KLF8: variants seen among roughly 807,000 people sequenced by gnomAD.
KLF8 encodes the protein KLF transcription factor 8.
In KLF8, 10 loss-of-function variants were observed where a neutral mutation model predicts 18.2. The observed-to-expected ratio is 0.55, with a 90% confidence interval of 0.34 to 0.93. KLF8 has a LOEUF of 0.93. Among genes scored for constraint, KLF8 ranks in the 40% least tolerant of loss-of-function variants. The pLI, the probability that KLF8 is intolerant of heterozygous loss-of-function variation, is 0.02. For synonymous variants in KLF8, 109 were observed against 97.3 expected (o/e 1.12, Z -0.71); for missense variants, 264 against 277.9 (o/e 0.95, Z 0.36).
At chrX:56,092,387 C>A in the KLF8 span, among the ~76,000 whole-genome samples, 2 of 111,169 alleles carry the variant, frequency 1.8e-5, no homozygotes, top group African/African-American at 6.5e-5. Context: ...AGACCAATGT[C>A]CAGGACAGTT....
At chrX:55,911,828 AG>A in the KLF8 span, among the ~76,000 whole-genome samples, 3 of 112,153 alleles carry the variant, frequency 2.7e-5, no homozygotes, top group Non-Finnish European at 5.6e-5. Context: ...GAGATAAGGT[AG>A]GTGTGCATGT....
chrX:55,988,295 G>A, the KLF8 span, among the ~76,000 whole-genome samples: 60 of 110,782 alleles, frequency 5.4e-4, no homozygotes, highest in South Asian at 3.8e-4. Context: ...GTCCTGAATG[G>A]TAATGCCTAG....
chrX:56,121,524 T>A, the KLF8 span, among the ~76,000 whole-genome samples: 1 of 112,422 alleles, frequency 8.9e-6, no homozygotes, highest in African/African-American at 3.2e-5. Flanking sequence ...GAAAGCTCAG[T>A]TCTTCTGACC....
At chrX:56,020,188 C>T in the KLF8 span, among the ~76,000 whole-genome samples, 12 of 111,514 alleles carry the variant, frequency 1.1e-4, no homozygotes, top group South Asian at 1.1e-3. Context: ...TAATGGAAAT[C>T]AGCATGTATT....
At chrX:55,945,208 A>C in the KLF8 span, among the ~76,000 whole-genome samples, 1 of 110,986 alleles carries the variant, frequency 9.0e-6, no homozygotes. Flanking sequence ...GTTTGTTAAA[A>C]TTTCTGTTCT....
chrX:56,270,347 A>ACACACAC (rs2067035777), intron 5 of KLF8, 26 bp downstream of exon 5: 14 of 652,180 alleles, frequency 2.1e-5, no homozygotes, highest in Non-Finnish European at 2.1e-5. Context: ...TCTCACCCCC[A>ACACACAC]ACACACACAC....
chrX:55,941,045 A>G, the KLF8 span, among the ~76,000 whole-genome samples: 9 of 111,867 alleles, frequency 8.0e-5, no homozygotes, highest in Non-Finnish European at 1.5e-4. Flanking sequence ...ATATGGAACC[A>G]AAAAAGAGCC....
rs902708641 is a variant in KLF8, at chrX:56,267,134, A to G, written c.646+1390A>G. On this transcript the variant is annotated intron_variant, in intron 3 of 5. Coordinates refer to ENST00000468660, the MANE Select transcript of KLF8 (RefSeq NM_007250.5). ...AGGAGCTTTGAATAGTCCCCATAAT[A>G]TCATCAGTCCATCAGAGCCACTCTA... 1.3e-5 allele frequency: 10 copies of G among 752,022 alleles called. No homozygotes were observed. The African/African-American group carries it at 2.3e-4, about 17-fold the overall frequency. The allele number at this position is 752,022 out of a possible 1,213,427, so 62.0% of individuals were successfully genotyped here.
chrX:56,068,794 C>A, the KLF8 span, among the ~76,000 whole-genome samples: 2 of 111,815 alleles, frequency 1.8e-5, no homozygotes, highest in African/African-American at 3.3e-5. Context: ...GAGGACACAG[C>A]TTCATGTTGT....
chrX:55,927,351 C>T, the KLF8 span, among the ~76,000 whole-genome samples: 10 of 111,990 alleles, frequency 8.9e-5, no homozygotes, highest in Non-Finnish European at 1.9e-4. Context: ...CATAGTGCTG[C>T]GATGAGTGTC....
At chrX:56,214,474 G>A in the KLF8 span, among the ~76,000 whole-genome samples, 26 of 112,352 alleles carry the variant, frequency 2.3e-4, no homozygotes, top group East Asian at 2.0e-3. Flanking sequence ...ATTTCAGAAT[G>A]TGACCTTATT....
the KLF8 span, among the ~76,000 whole-genome samples, chrX:56,048,703 A>G: frequency 8.9e-6 from 1 of 111,891 alleles, no homozygotes; most frequent in African/African-American, 3.3e-5. Flanking sequence ...AGGTAGCATG[A>G]TGCCTCCAGC....
the KLF8 span, among the ~76,000 whole-genome samples, chrX:56,055,702 G>C: frequency 3.2e-3 from 357 of 111,797 alleles, 1 homozygote; most frequent in Non-Finnish European, 4.0e-3. Context: ...AGGGACTTTG[G>C]TGAATCAAAG....
At chrX:56,102,120 T>A in the KLF8 span, among the ~76,000 whole-genome samples, 4 of 111,971 alleles carry the variant, frequency 3.6e-5, no homozygotes, top group South Asian at 1.5e-3. Context: ...CTTGATTTAA[T>A]TTTTGTTTAT....
the KLF8 span, among the ~76,000 whole-genome samples, chrX:56,060,504 G>A: frequency 2.7e-5 from 3 of 111,902 alleles, no homozygotes; most frequent in East Asian, 2.8e-4. Flanking sequence ...ATTTGTGTAC[G>A]TTGAACCACC....
the KLF8 span, among the ~76,000 whole-genome samples, chrX:55,943,863 G>A: frequency 8.9e-6 from 1 of 112,320 alleles, no homozygotes; most frequent in African/African-American, 3.2e-5. Context: ...CACACATGGA[G>A]TCTGTTTGCT....
the KLF8 span, among the ~76,000 whole-genome samples, chrX:55,945,881 C>T: frequency 1.8e-5 from 2 of 111,099 alleles, no homozygotes; most frequent in East Asian, 5.7e-4. Context: ...AACTCCCATT[C>T]ACAATTGCTT....
At chrX:56,135,356 G>A in the KLF8 span, among the ~76,000 whole-genome samples, 1 of 111,304 alleles carries the variant, frequency 9.0e-6, no homozygotes, top group Non-Finnish European at 1.9e-5. Flanking sequence ...ATACACCATG[G>A]AATACTATGC....
chrX:55,947,597 C>A, the KLF8 span, among the ~76,000 whole-genome samples: 4 of 109,108 alleles, frequency 3.7e-5, no homozygotes, highest in Non-Finnish European at 7.6e-5. Flanking sequence ...TGTAACTAAC[C>A]TGCACATTGT....
Sources: allele counts gnomAD v4.1 joint callset (sites outside exome capture counted in the v4.1 genomes callset), GRCh38; gene constraint gnomAD v4.1.1; transcripts MANE v1.5; gene names NCBI Gene and HGNC (gene_info 2026-07-23, HGNC 2026-07-21).